Variants in SPTB observed in about 807,000 individuals in gnomAD.
The protein encoded by SPTB is spectrin beta chain, erythrocytic.
A neutral mutation model predicts 256.2 loss-of-function variants in SPTB; 45 were observed. The ratio of observed to expected loss-of-function variants is 0.18; its 90% CI spans 0.14 to 0.23. The LOEUF is 0.23. SPTB is among the 10% of genes least tolerant of loss of function. The pLI is 1.00. For missense variants in SPTB, 2,715 were observed against 3,040.4 expected (o/e 0.89, Z 2.52); for synonymous variants, 1,231 against 1,243.1 (o/e 0.99, Z 0.21).
chr14:64,817,743 C>T (rs1475419565), intron 2 of SPTB, among the ~76,000 whole-genome samples: 4 of 152,224 alleles, frequency 2.6e-5, no homozygotes, highest in Admixed American at 1.3e-4. Context: ...CAAACATGTC[C>T]TGAGGACACT....
At position 64,749,133 on chromosome 14, in the gene SPTB, G is replaced by A; in HGVS notation, c.*173C>T. 1 of 706,430 alleles carries A rather than the reference G, an allele frequency of 1.4e-6. No homozygotes were observed. Among genetic ancestry groups the A allele is most frequent in the East Asian group, 3.2e-5 (1 of 31,442 alleles). The allele number at this position is 706,430 out of a possible 1,614,324, so 43.8% of individuals were successfully genotyped here. A position where few individuals can be genotyped will look rare whatever the true frequency, so the allele number is the denominator to read the frequency against. ...GGGCGAGGGCATGGAGGGGGCGTCG[G>A]CCCAGGACACGCGGGCGAAGGCAGC... On this transcript the variant is annotated 3_prime_UTR_variant, in exon 36 of 36. Coordinates refer to ENST00000644917, the MANE Select transcript of SPTB (RefSeq NM_001355436.2). The surrounding 1 kb of genome is among the most constrained non-coding windows in gnomAD (Gnocchi z 4.7).
chr14:64,766,790 T>A lies in SPTB; in HGVS notation c.6281A>T (p.Glu2094Val), dbSNP rs774068563. ...RPAEETGPQE[E>V]EGETAGEAPV... ...AGCCTCCCCTGCTGTCTCGCCTTCC[T>A]CCTCTTGAGGCCTAAGGAAGACACA... is the stretch of plus-strand genomic sequence containing the variant. Residue 2094 changes from glutamate to valine, a missense_variant, in exon 32 of 36, where the codon GAG becomes GTG. Around this residue, in one of 4 missense-constraint regions of SPTB, gnomAD observed 2,239 missense variants for 2,384.4 expected, o/e 0.94. Coordinates refer to ENST00000644917, the MANE Select transcript of SPTB (RefSeq NM_001355436.2). 2.5e-6 allele frequency: 4 copies of A among 1,611,794 alleles called. No homozygotes were observed. The South Asian group carries it at 4.4e-5, about 18-fold the overall frequency.
chr14:64,809,009 C>T (rs186889765), intron 2 of SPTB, among the ~76,000 whole-genome samples: 6 of 151,878 alleles, frequency 4.0e-5, no homozygotes, highest in Non-Finnish European at 8.8e-5. Context: ...GCCTGTAATC[C>T]CAGCACTTTG....
In SPTB at chr14:64,790,654, G is replaced by A. The variant is rs935364515; in HGVS notation, c.2804+1065C>T. 1.3e-5 allele frequency among the ~76,000 whole-genome samples: 2 copies of A among 152,258 alleles called. No individual in the cohort carries two copies. The highest frequency in any genetic ancestry group is 3.9e-4 in the East Asian group (2 of 5,178). The stretch of plus-strand genomic sequence containing the variant: ...CTGTGCCGATCCCTTTCTTTACAAT[G>A]GAGTCTTCCCTAGGCCCACCTCCCA... On this transcript the variant is annotated intron_variant, in intron 15 of 35. Coordinates refer to ENST00000644917, the MANE Select transcript of SPTB (RefSeq NM_001355436.2). The surrounding 1 kb of genome is among the most constrained non-coding windows in gnomAD (Gnocchi z 4.8).
chr14:64,854,859 C>T (rs1296237150), intron 1 of SPTB, among the ~76,000 whole-genome samples: 1 of 152,160 alleles, frequency 6.6e-6, no homozygotes, highest in African/African-American at 2.4e-5. Flanking sequence ...GTAGTGCTAC[C>T]TCACCCCAGA....
In SPTB at chr14:64,807,879, C is replaced by T. The variant is rs907346008; in HGVS notation, c.149-2789G>A. The stretch of plus-strand genomic sequence containing the variant: ...ACTGGGACCCACCATGGGAAGGAGG[C>T]CTCAGCACAGCCCTGCCAGGAGCCA... On this transcript the variant is annotated intron_variant, in intron 2 of 35. Transcript: ENST00000644917. This position sits in a 1 kb window ranked among gnomAD's most constrained non-coding sequence, Gnocchi z 4.7. Among the ~76,000 whole-genome samples, 4 of 152,220 alleles carry T rather than the reference C, an allele frequency of 2.6e-5. No individual in the cohort carries two copies. Among genetic ancestry groups the T allele is most frequent in the Non-Finnish European group, 4.4e-5 (3 of 68,032 alleles).
chr14:64,833,628 G>C (rs1405656913), intron 1 of SPTB, among the ~76,000 whole-genome samples: 6 of 151,722 alleles, frequency 4.0e-5, no homozygotes, highest in Non-Finnish European at 7.4e-5. Flanking sequence ...TGTTTCTTTT[G>C]TGTTCCCATC....
intron 3 of SPTB, among the ~76,000 whole-genome samples, chr14:64,803,988 C>T (rs980994446): frequency 2.6e-5 from 4 of 152,222 alleles, no homozygotes; most frequent in African/African-American, 9.6e-5. Flanking sequence ...AGATCGGTAA[C>T]CAGGCTGCAT....
In SPTB at chr14:64,821,819, C is replaced by A. The variant is rs2083292137; in HGVS notation, c.148+1128G>T. Among the ~76,000 whole-genome samples the A allele has an allele frequency of 3.9e-5, 6 of 152,136 alleles. No individual in the cohort carries two copies. The South Asian group carries it at 1.2e-3, about 32-fold the overall frequency. On this transcript the variant is annotated intron_variant, in intron 2 of 35. Coordinates refer to ENST00000644917, the MANE Select transcript of SPTB (RefSeq NM_001355436.2). Reference sequence around the variant, plus strand: ...AAGGGAGATGAGACACCGCAGCATTCCTTTCCCGGCATGAGAAGCCCAGAC... The same window carrying A: ...AAGGGAGATGAGACACCGCAGCATTACTTTCCCGGCATGAGAAGCCCAGAC...
rs2082898014 is a variant in SPTB, at chr14:64,802,106, T to C, written c.566+120A>G. On this transcript the variant is annotated intron_variant, in intron 5 of 35. Transcript: ENST00000644917. This position sits in a 1 kb window ranked among gnomAD's most constrained non-coding sequence, Gnocchi z 5.1. ...CAGGTCAGGACAGACTTTGCATCAATTACAGGGAGGCAGCTGTAGTTCTGG... is the reference window on the plus strand; with the variant it reads ...CAGGTCAGGACAGACTTTGCATCAACTACAGGGAGGCAGCTGTAGTTCTGG... 7.8e-6 allele frequency: 8 copies of C among 1,024,516 alleles called. No homozygotes were observed. In the South Asian group the frequency reaches 1.1e-4, roughly 14 times the overall value. The allele number at this position is 1,024,516 out of a possible 1,614,324, so 63.5% of individuals were successfully genotyped here. A position where few individuals can be genotyped will look rare whatever the true frequency, so the allele number is the denominator to read the frequency against.
intron 2 of SPTB, among the ~76,000 whole-genome samples, chr14:64,822,476 C>T (rs2083310865): frequency 6.7e-6 from 1 of 150,156 alleles, no homozygotes; most frequent in African/African-American, 2.5e-5. Context: ...TCAAGAAAAT[C>T]CTTCCTGAGG....
intron 2 of SPTB, among the ~76,000 whole-genome samples, chr14:64,820,840 C>CT (rs3216698): frequency 0.088 from 13,078 of 148,908 alleles, 580 homozygotes; most frequent in Middle Eastern, 0.11. Flanking sequence ...CCAGCTATTT[C>CT]TTTTTTTTTT....
rs781503502 is a variant in SPTB, at chr14:64,786,627, T to C, written c.3338A>G (p.His1113Arg). The C allele has an allele frequency of 6.2e-7, 1 of 1,614,176 alleles. No homozygotes were observed. Among genetic ancestry groups the C allele is most frequent in the East Asian group, 2.2e-5 (1 of 44,884 alleles). ...CTTAACACGCTGGTAGCTGTCTTGG[T>C]GCCCGTCAATCTCATCCTTGATACC... ...HAGIKDEIDG[H>R]QDSYQRVKES... is the part of the protein sequence containing the mutation. Residue 1113 changes from histidine (H) to arginine (R), a missense_variant, in exon 16 of 36, where the codon CAC (histidine) becomes CGC (arginine). Physicochemically the swap from His to Arg is conservative, Grantham distance 29. Coordinates refer to ENST00000644917, the MANE Select transcript of SPTB (RefSeq NM_001355436.2). This position sits in a 1 kb window ranked among gnomAD's most constrained non-coding sequence, Gnocchi z 5.6.
chr14:64,797,763 G>C lies in SPTB; in HGVS notation c.1148C>G (p.Pro383Arg). The change falls in exon 10 of 36, where the codon CCC becomes CGC. Residue 383 changes from proline (P) to arginine (R), a missense_variant. Transcript: ENST00000644917. ...GTCAGACACTAGTTTCCCATCGTGG[G>C]GTGTGTACACTTTCTGATTGTTGGC... Reference protein sequence around the residue: ...MRANNQKVYTPHDGKLVSDIN... With the variant: ...MRANNQKVYTRHDGKLVSDIN... The C allele has an allele frequency of 6.2e-7, 1 of 1,613,924 alleles. No individual in the cohort carries two copies. The highest frequency in any genetic ancestry group is 8.5e-7 in the Non-Finnish European group (1 of 1,179,858).
Position 64,851,082 on chromosome 14 carries a change from T to G in SPTB, c.-51-27937A>C, listed in dbSNP as rs78871480. Among the ~76,000 whole-genome samples, 223 of 152,332 alleles carry G rather than the reference T, an allele frequency of 1.5e-3. 2 individuals are homozygous for G. The East Asian group carries it at 0.037, about 26-fold the overall frequency. ...CCCACTGCTTGCCCTGTTAGCCACT[T>G]TTAGATTCTTTTTACTTTCCAAGGA... On this transcript the variant is annotated intron_variant, in intron 1 of 35. Transcript: ENST00000644917.
intron 1 of SPTB, among the ~76,000 whole-genome samples, chr14:64,829,392 A>G (rs1264885000): frequency 2.6e-5 from 4 of 152,236 alleles, no homozygotes; most frequent in Non-Finnish European, 5.9e-5. Context: ...ATAATCAAAT[A>G]TAATGCACCT....
chr14:64,783,519 T>C (rs1321098144), intron 19 of SPTB, among the ~76,000 whole-genome samples: 2 of 152,220 alleles, frequency 1.3e-5, no homozygotes, highest in Non-Finnish European at 2.9e-5. Flanking sequence ...TAATATTTAT[T>C]GAGTGTCTCA....
In SPTB at chr14:64,747,199, G is replaced by GA. The variant is rs2139407066; in HGVS notation, c.*2106dup. The GA allele has an allele frequency of 6.6e-6, 1 of 152,638 alleles. No individual in the cohort carries two copies. The highest frequency in any genetic ancestry group is 1.5e-5 in the Non-Finnish European group (1 of 68,068). The allele number at this position is 152,638 out of a possible 1,614,324, so 9.5% of individuals were successfully genotyped here. A position where few individuals can be genotyped will look rare whatever the true frequency, so the allele number is the denominator to read the frequency against. On this transcript the variant is annotated 3_prime_UTR_variant, in exon 36 of 36. Transcript: ENST00000644917. ...TTCAGGTGCTGATTTGGCACACGTG[G>GA]AAGGGGGAGGGTGGGCCCTTGTCCC... is the stretch of plus-strand genomic sequence containing the variant.
intron 1 of SPTB, among the ~76,000 whole-genome samples, chr14:64,857,348 C>T (rs1031701766): frequency 7.2e-5 from 11 of 151,830 alleles, no homozygotes; most frequent in African/African-American, 1.9e-4. Context: ...TTTGGGAGGC[C>T]GAGGCGGGAA....
Sources: gnomAD v4.1 joint callset for allele counts (sites outside exome capture counted in the v4.1 genomes callset) on GRCh38, gnomAD v4.1.1 for gene constraint, gnomAD v4.1.1 regional missense constraint, Gnocchi (gnomAD v3.1) non-coding constraint, MANE v1.5 for transcripts, NCBI Gene and HGNC (gene_info 2026-07-23, HGNC 2026-07-21) for gene names.